HPS5: variants seen among roughly 807,000 people sequenced by gnomAD.
HPS5 encodes the protein HPS5 biogenesis of lysosomal organelles complex 2 subunit 2.
In HPS5, 83 loss-of-function variants were observed where a neutral mutation model predicts 128.0. The observed-to-expected ratio is 0.65, with a 90% CI of 0.54 to 0.78. The LOEUF (loss-of-function observed/expected upper bound fraction) is 0.78. Among genes scored for constraint, HPS5 ranks in the 30% least tolerant of loss-of-function variants. HPS5 has a pLI of 0.00. For missense variants in HPS5, 1,281 were observed against 1,326.2 expected, an observed-to-expected ratio of 0.97 and a Z score of 0.53; for synonymous variants, 475 against 470.2, an observed-to-expected ratio of 1.01 and a Z score of -0.13.
chr11:18,283,704 C>T, intron 21 of HPS5, 91 bp downstream of exon 21: 1 of 817,038 alleles, frequency 1.2e-6, no homozygotes, highest in African/African-American at 1.7e-5. Flanking sequence ...AATATATGAT[C>T]ATTGAAAGGT....
intron 8 of HPS5, among the ~76,000 whole-genome samples, chr11:18,305,217 A>T (rs544471426): frequency 1.3e-5 from 2 of 152,350 alleles, no homozygotes; most frequent in Admixed American, 1.3e-4. Context: ...TAAACTCTCC[A>T]ATTGGCTTGG....
rs774805059 is a variant in HPS5, at chr11:18,282,142, T to G, written c.3137A>C (p.Gln1046Pro). ...IQSKSTRPAP[Q>P]ESLNGSLSDG... ...ACTGAGGCTCCCATTTAGTGACTCC[T>G]GGGGGGCTGGCCTCGTGCTCTTGCT... Residue 1046 changes from glutamine (Q) to proline (P), a missense_variant, in exon 22 of 23, where the codon CAG becomes CCG. Coordinates refer to ENST00000349215, the MANE Select transcript of HPS5 (RefSeq NM_181507.2). 2 of 1,614,130 alleles carry G rather than the reference T, an allele frequency of 1.2e-6. No individual in the cohort carries two copies. The highest frequency in any genetic ancestry group is 2.2e-5 in the South Asian group (2 of 91,076).
chr11:18,299,532 T>C (rs1162335646), intron 9 of HPS5, among the ~76,000 whole-genome samples: 1 of 152,170 alleles, frequency 6.6e-6, no homozygotes, highest in Non-Finnish European at 1.5e-5. Flanking sequence ...TTTACAAACA[T>C]AGAAAAAGAA....
At chr11:18,308,404 A>C (rs1332922815) in intron 6 of HPS5, among the ~76,000 whole-genome samples, 1 of 152,222 alleles carries the variant, frequency 6.6e-6, no homozygotes, top group Non-Finnish European at 1.5e-5. Flanking sequence ...GGCACTTAGA[A>C]TATGTCTCAC....
rs780119665 is a variant in HPS5 at position 18,282,053 on chromosome 11, C to G, written c.3226G>C (p.Asp1076His). The change falls in exon 22 of 23, where the codon GAT becomes CAT. Residue 1076 changes from aspartate (D) to histidine (H), a missense_variant. By Grantham distance (81) the Asp-to-His change is moderately conservative (BLOSUM62 -1). Transcript: ENST00000349215. The stretch of plus-strand genomic sequence containing the variant: ...TCCTGTAGCAGTGACCAAGCCCGAT[C>G]TGGGCCCATGGCCTTAGCTAACAGA... ...ALLLAKAMGP[D>H]RAWSLLQECG... 1 of 1,614,236 alleles carries G rather than the reference C, an allele frequency of 6.2e-7. No individual in the cohort carries two copies. Among genetic ancestry groups the G allele is most frequent in the Non-Finnish European group, 8.5e-7 (1 of 1,180,048 alleles).
intron 22 of HPS5, chr11:18,280,452 G>A: frequency 1.7e-6 from 1 of 600,778 alleles, no homozygotes; most frequent in South Asian, 2.0e-5. Context: ...AAAGTAAAAT[G>A]GTGCAGTCTC....
intron 1 of HPS5, among the ~76,000 whole-genome samples, chr11:18,320,176 C>A (rs554272536): frequency 6.6e-6 from 1 of 152,290 alleles, no homozygotes; most frequent in East Asian, 1.9e-4. Context: ...CTCAGAGAAG[C>A]TGCTGAATGA....
chr11:18,296,093 C>A lies in HPS5; in HGVS notation c.1540G>T (p.Glu514Ter). ...DNVSHAPVMF[E>*]TDKNETFLPF... ...AGAAAAGTTTCATTCTTATCTGTCT[C>A]AAACATCACTGGAGCATGAGAAACA... Residue 514 changes from glutamate (E) to a stop codon, truncating the protein, a stop_gained, in exon 13 of 23, where the codon GAG becomes TAG. Coordinates refer to ENST00000349215, the MANE Select transcript of HPS5 (RefSeq NM_181507.2). LOFTEE classifies it high-confidence loss of function. The A allele has an allele frequency of 6.2e-7, 1 of 1,613,314 alleles. No homozygotes were observed. Among genetic ancestry groups the A allele is most frequent in the Non-Finnish European group, 8.5e-7 (1 of 1,179,350 alleles).
chr11:18,321,476 A>G lies in HPS5; in HGVS notation c.-50+470T>C, dbSNP rs1484229555. ...GGCGACAAATGCTTAACCAAAGTAA[A>G]TGAAACAACTTTTGGGAGACTGGCT... On this transcript the variant is annotated intron_variant, in intron 1 of 22. Coordinates refer to ENST00000349215, the MANE Select transcript of HPS5 (RefSeq NM_181507.2). 2.6e-5 allele frequency among the ~76,000 whole-genome samples: 4 copies of G among 152,242 alleles called. No homozygotes were observed. The East Asian group carries it at 7.7e-4, about 29-fold the overall frequency.
chr11:18,280,386 G>A, intron 22 of HPS5: 2 of 568,276 alleles, frequency 3.5e-6, no homozygotes, highest in East Asian at 2.9e-5. Context: ...AACAGAAAAT[G>A]ACAAGTGTGG....
chr11:18,306,165 G>A lies in HPS5; in HGVS notation c.794C>T (p.Ser265Leu), dbSNP rs780709376. ...ISTHQFKKLL[S>L]LPPLPVITLR... is the part of the protein sequence containing the mutation. ...AGTAATCACAGGGAGAGGTGGCAAC[G>A]AGAGGAGTTTCTTGAACTGATGTGT... The change falls in exon 7 of 23, where the codon TCG becomes TTG. Residue 265 changes from serine (S) to leucine (L), a missense_variant. By Grantham distance (145) the Ser-to-Leu change is moderately radical. Transcript: ENST00000349215. 57 of 1,613,470 alleles carry A rather than the reference G, an allele frequency of 3.5e-5. No homozygotes were observed. The highest frequency in any genetic ancestry group is 4.4e-5 in the Non-Finnish European group (52 of 1,179,544).
At chr11:18,281,463 G>A (rs770824957) in intron 22 of HPS5, among the ~76,000 whole-genome samples, 7 of 151,326 alleles carry the variant, frequency 4.6e-5, no homozygotes, top group Middle Eastern at 3.2e-3. Flanking sequence ...ACAGTGTCAT[G>A]TTCTTGGCTC....
intron 3 of HPS5, 134 bp downstream of exon 3, chr11:18,311,780 G>C (rs895939217): frequency 1.3e-6 from 1 of 775,074 alleles, no homozygotes; most frequent in Non-Finnish European, 2.3e-6. Flanking sequence ...CAAAATGCTG[G>C]GATTACAGGC....
At chr11:18,320,703 C>T (rs1024777375) in intron 1 of HPS5, among the ~76,000 whole-genome samples, 1 of 152,200 alleles carries the variant, frequency 6.6e-6, no homozygotes, top group Non-Finnish European at 1.5e-5. Context: ...TCTACAGAGG[C>T]ACTGTAGTTT....
At chr11:18,306,440 C>T (rs771069816) in intron 6 of HPS5, 93 bp from the exon 7 acceptor site, 126 of 747,546 alleles carry the variant, frequency 1.7e-4, no homozygotes, top group Non-Finnish European at 2.3e-5. Context: ...AATAACTCCA[C>T]TCACAATGCC....
chr11:18,282,347 C>T, intron 21 of HPS5, 127 bp from the exon 22 acceptor site: 2 of 1,013,978 alleles, frequency 2.0e-6, no homozygotes, highest in African/African-American at 1.6e-5. Flanking sequence ...AATCTCATCA[C>T]CCTAACACAA....
chr11:18,307,268 G>T (rs530537038), intron 6 of HPS5, among the ~76,000 whole-genome samples: 66 of 152,212 alleles, frequency 4.3e-4, no homozygotes, highest in African/African-American at 1.5e-3. Context: ...GATCTAATAT[G>T]CTCTCTAGCA....
At chr11:18,320,433 T>C (rs1343351809) in intron 1 of HPS5, among the ~76,000 whole-genome samples, 1 of 152,188 alleles carries the variant, frequency 6.6e-6, no homozygotes, top group Non-Finnish European at 1.5e-5. Context: ...CTCACTCTCA[T>C]GAAGCTGCCA....
chr11:18,298,576 A>G (rs1861351872), intron 10 of HPS5, among the ~76,000 whole-genome samples: 1 of 152,202 alleles, frequency 6.6e-6, no homozygotes, highest in Non-Finnish European at 1.5e-5. Flanking sequence ...ACAAATTTGT[A>G]TGTAAATTTG....
Sources: allele counts gnomAD v4.1 joint callset (sites outside exome capture counted in the v4.1 genomes callset), GRCh38; gene constraint gnomAD v4.1.1; transcripts MANE v1.5; gene names NCBI Gene and HGNC (gene_info 2026-07-23, HGNC 2026-07-21).